The following RBM11 variants were observed in gnomAD, a reference collection of about 807,000 sequenced individuals.
RBM11 encodes the protein RNA binding motif protein 11, also known as splicing regulator RBM11.
RBM11 carries 18 observed loss-of-function variants against 21.4 expected under a neutral mutation model. That is an observed-to-expected ratio of 0.84 (90% CI 0.58 to 1.25). The LOEUF is 1.25. Ranked by LOEUF, RBM11 falls within the 50% of genes most tolerant of loss-of-function variation. RBM11 has a pLI of 0.00. For synonymous variants in RBM11, 120 were observed against 116.3 expected, an observed-to-expected ratio of 1.03 and a Z score of -0.20; for missense variants, 294 against 331.9, an observed-to-expected ratio of 0.89 and a Z score of 0.89.
chr21:14,224,080 A>G (rs140520491), intron 3 of RBM11, among the ~76,000 whole-genome samples: 3 of 152,286 alleles, frequency 2.0e-5, no homozygotes, highest in South Asian at 2.1e-4. Context: ...GTATTGTGTT[A>G]TAACAACAGA....
intron 4 of RBM11, among the ~76,000 whole-genome samples, chr21:14,225,113 GA>G (rs999481036): frequency 9.6e-5 from 14 of 145,948 alleles, no homozygotes; most frequent in Admixed American, 2.7e-4. Flanking sequence ...TGTCTCAAAA[GA>G]AAAAAAAAAG....
chr21:14,223,145 G>C (rs770296917), intron 3 of RBM11, among the ~76,000 whole-genome samples: 2 of 152,150 alleles, frequency 1.3e-5, no homozygotes, highest in Non-Finnish European at 2.9e-5. Context: ...ACAAATTCTA[G>C]AGTAGACAGC....
chr21:14,221,045 A>G (rs1291667804), intron 2 of RBM11, 52 bp from the exon 3 acceptor site: 1 of 1,500,340 alleles, frequency 6.7e-7, no homozygotes, highest in East Asian at 2.4e-5. Flanking sequence ...TAATATTACA[A>G]CTCAAAAAAA....
At chr21:14,226,824 T>C in intron 4 of RBM11, 56 bp from the exon 5 acceptor site, 2 of 1,548,042 alleles carry the variant, frequency 1.3e-6, no homozygotes, top group Admixed American at 2.0e-5. Flanking sequence ...AACTGTTAAT[T>C]TTTTTTCCTT....
In RBM11 at chr21:14,226,768, C is replaced by A; in HGVS notation, c.433-112C>A. The A allele has an allele frequency of 2.8e-6, 4 of 1,428,880 alleles. No individual in the cohort carries two copies. The South Asian group carries it at 5.7e-5, about 20-fold the overall frequency. The allele number at this position is 1,428,880 out of a possible 1,614,324, so 88.5% of individuals were successfully genotyped here. A position where few individuals can be genotyped will look rare whatever the true frequency, so the allele number is the denominator to read the frequency against. ...ATGAGAGGTCACTGTCTTTCTTATA[C>A]CAAAACACAGTTTAGTTTACTCATG... On this transcript the variant is annotated intron_variant, in intron 4 of 4. Coordinates refer to ENST00000400577, the MANE Select transcript of RBM11 (RefSeq NM_144770.5).
intron 3 of RBM11, among the ~76,000 whole-genome samples, chr21:14,221,889 T>C (rs574134305): frequency 6.6e-6 from 1 of 152,334 alleles, no homozygotes; most frequent in Non-Finnish European, 1.5e-5. Context: ...CTGGTTACAC[T>C]AATAAACACG....
intron 3 of RBM11, among the ~76,000 whole-genome samples, chr21:14,223,113 G>A (rs898674538): frequency 3.3e-5 from 5 of 152,134 alleles, no homozygotes; most frequent in Admixed American, 6.6e-5. Flanking sequence ...AGTTATGTTT[G>A]ATACACTGAC....
chr21:14,220,132 G>A (rs1978537583), intron 2 of RBM11, among the ~76,000 whole-genome samples: 2 of 152,036 alleles, frequency 1.3e-5, no homozygotes. Flanking sequence ...ATAGAGAGAG[G>A]GCATTTAGTC....
In RBM11 at chr21:14,227,224, C is replaced by G. The variant is rs1979178293; in HGVS notation, c.777C>G (p.Ser259Arg). The G allele has an allele frequency of 6.2e-7, 1 of 1,613,846 alleles. No homozygotes were observed. The highest frequency in any genetic ancestry group is 8.5e-7 in the Non-Finnish European group (1 of 1,179,896). The change falls in exon 5 of 5, where the codon AGC becomes AGG. Residue 259 changes from serine (S) to arginine (R), a missense_variant. Transcript: ENST00000400577. ...AGCAAACAAGTGATAGTGATAGTAGCACAGACAACAACAGAGGCAACGAAT... is the reference window on the plus strand; with the variant it reads ...AGCAAACAAGTGATAGTGATAGTAGGACAGACAACAACAGAGGCAACGAAT... Reference protein sequence around the residue: ...RQKQTSDSDSSTDNNRGNECS... With the variant: ...RQKQTSDSDSRTDNNRGNECS...
rs2020435716 is a variant in RBM11 at position 14,216,178 on chromosome 21, G to T, written c.-9G>T. On this transcript the variant is annotated 5_prime_UTR_variant, in exon 1 of 5. Coordinates refer to ENST00000400577, the MANE Select transcript of RBM11 (RefSeq NM_144770.5). ...AGCTCCTACTTCATTCTACGGCCGA[G>T]ACCGGAGGATGTTCCCTGCTCAGGA... 3.1e-6 allele frequency: 5 copies of T among 1,611,440 alleles called. No individual in the cohort carries two copies. The African/African-American group carries it at 6.7e-5, about 22-fold the overall frequency.
intron 3 of RBM11, 107 bp downstream of exon 3, chr21:14,221,276 G>A: frequency 8.0e-7 from 1 of 1,242,284 alleles, no homozygotes; most frequent in Non-Finnish European, 1.0e-6. Flanking sequence ...TTTAGGCCTA[G>A]GATAAAATTA....
At chr21:14,220,832 T>C (rs1202499136) in intron 2 of RBM11, among the ~76,000 whole-genome samples, 2 of 152,152 alleles carry the variant, frequency 1.3e-5, no homozygotes, top group African/African-American at 2.4e-5. Flanking sequence ...CCATCATGTA[T>C]CTTACAAAGT....
Position 14,227,482 on chromosome 21 carries a change from G to T in RBM11, c.*189G>T. 1 of 591,796 alleles carries T rather than the reference G, an allele frequency of 1.7e-6. No individual in the cohort carries two copies. The highest frequency in any genetic ancestry group is 2.8e-6 in the Non-Finnish European group (1 of 357,148). The allele number at this position is 591,796 out of a possible 1,614,324, so 36.7% of individuals were successfully genotyped here. A position where few individuals can be genotyped will look rare whatever the true frequency, so the allele number is the denominator to read the frequency against. ...AAAAGCTTTCTAAAAATAGTATAAT[G>T]TACCACTTTTTGTATTTGTCATGAT... On this transcript the variant is annotated 3_prime_UTR_variant, in exon 5 of 5. Coordinates refer to ENST00000400577, the MANE Select transcript of RBM11 (RefSeq NM_144770.5).
At chr21:14,216,305 G>T in intron 1 of RBM11, 23 bp downstream of exon 1, 1 of 1,599,790 alleles carries the variant, frequency 6.3e-7, no homozygotes, top group Middle Eastern at 1.7e-4. Flanking sequence ...GGAAGGGGCG[G>T]CGGAGGGGCG....
intron 3 of RBM11, among the ~76,000 whole-genome samples, chr21:14,222,144 T>C (rs389468): frequency 0.9 from 136,630 of 151,946 alleles, 61,559 homozygotes; most frequent in East Asian, 0.95. Context: ...TGGTACTGTC[T>C]GGTTAACTTA....
intron 2 of RBM11, among the ~76,000 whole-genome samples, chr21:14,220,084 CT>C (rs1978531206): frequency 1.3e-5 from 2 of 152,130 alleles, no homozygotes; most frequent in South Asian, 4.1e-4. Context: ...AATCTTGTTA[CT>C]GCTGATGTAT....
chr21:14,216,369 C>A, intron 1 of RBM11, 87 bp downstream of exon 1: 1 of 1,063,588 alleles, frequency 9.4e-7, no homozygotes, highest in Non-Finnish European at 1.4e-6. Flanking sequence ...GAGCCCGGCC[C>A]CCTTCCGTCC....
chr21:14,221,340 T>C (rs1191276072), intron 3 of RBM11, 171 bp downstream of exon 3: 2 of 829,786 alleles, frequency 2.4e-6, no homozygotes, highest in African/African-American at 3.6e-5. Flanking sequence ...TATTTTCATT[T>C]AAAATTCAGT....
intron 4 of RBM11, 98 bp from the exon 5 acceptor site, chr21:14,226,782 A>G (rs1979126307): frequency 6.8e-7 from 1 of 1,476,710 alleles, no homozygotes; most frequent in Non-Finnish European, 9.1e-7. Flanking sequence ...AACACAGTTT[A>G]GTTTACTCAT....
Sources: allele counts gnomAD v4.1 joint callset (sites outside exome capture counted in the v4.1 genomes callset), GRCh38; gene constraint gnomAD v4.1.1; transcripts MANE v1.5; gene names NCBI Gene and HGNC (gene_info 2026-07-23, HGNC 2026-07-21).